The following MPND variants were observed in gnomAD, a reference collection of about 807,000 sequenced individuals.
The protein encoded by MPND is MPN domain-containing protein.
MPND carries 56 observed loss-of-function variants against 59.2 expected under a neutral mutation model. That is an observed-to-expected ratio of 0.95 (90% CI 0.76 to 1.18). The LOEUF (loss-of-function observed/expected upper bound fraction) is 1.18, where lower values mean the gene tolerates loss of function less well. Among genes scored for constraint, MPND ranks in the 50% most tolerant of loss-of-function variants. The probability of loss-of-function intolerance (pLI) is 0.00; values close to 1 mark genes in which losing one functional copy is unlikely to be tolerated. For synonymous variants in MPND, 323 were observed against 291.9 expected, an observed-to-expected ratio of 1.11 and a Z score of -1.09; for missense variants, 671 against 676.0, an observed-to-expected ratio of 0.99 and a Z score of 0.08.
chr19:4,346,724 T>C (rs1156399680), intron 3 of MPND, among the ~76,000 whole-genome samples: 1 of 152,146 alleles, frequency 6.6e-6, no homozygotes, highest in Non-Finnish European at 1.5e-5. Flanking sequence ...CCGTTTTTTT[T>C]TTCTTATGTG....
chr19:4,352,492 C>T (rs1210304398), intron 3 of MPND, among the ~76,000 whole-genome samples: 1 of 152,146 alleles, frequency 6.6e-6, no homozygotes, highest in Non-Finnish European at 1.5e-5. Context: ...TGAGACCAGC[C>T]TGACCAACAT....
chr19:4,359,077 C>A, intron 11 of MPND, 86 bp from the exon 12 acceptor site: 3 of 860,322 alleles, frequency 3.5e-6, no homozygotes, highest in Non-Finnish European at 3.9e-6. Flanking sequence ...TGTCTCAGGG[C>A]TGCCTGAGAC....
chr19:4,356,563 A>G (rs886377979), intron 8 of MPND: 24 of 152,070 alleles, frequency 1.6e-4, no homozygotes, highest in African/African-American at 4.8e-4. Flanking sequence ...TAAAAAGTGA[A>G]GGGCTGCTAA....
chr19:4,347,807 TAGTC>T (rs749821910), intron 3 of MPND: 148 of 392,210 alleles, frequency 3.8e-4, no homozygotes, highest in Non-Finnish European at 5.7e-4. Context: ...TGATCCTCCT[TAGTC>T]AGTCCAGTGT....
intron 5 of MPND, 76 bp from the exon 6 acceptor site, chr19:4,354,248 G>A (rs1252729947): frequency 1.3e-6 from 2 of 1,497,082 alleles, no homozygotes; most frequent in African/African-American, 2.8e-5. Context: ...GAGCTGTGGG[G>A]TTGGGGGAGT....
At chr19:4,359,338 C>T (rs568258714) in intron 12 of MPND, 83 bp downstream of exon 12, 97 of 1,033,036 alleles carry the variant, frequency 9.4e-5, no homozygotes, top group Non-Finnish European at 1.3e-4. Flanking sequence ...AGCAATGAGC[C>T]CCGTGGGCCT....
chr19:4,352,623 G>A (rs1172977488), intron 3 of MPND, among the ~76,000 whole-genome samples: 1 of 152,200 alleles, frequency 6.6e-6, no homozygotes, highest in Non-Finnish European at 1.5e-5. Flanking sequence ...GGCAGAAGTT[G>A]CAGTGAGCCG....
intron 12 of MPND, 137 bp downstream of exon 12, chr19:4,359,392 C>A: frequency 1.6e-6 from 1 of 633,132 alleles, no homozygotes; most frequent in Non-Finnish European, 2.8e-6. Context: ...TGACCCTGGT[C>A]ACCCCGTGGC....
chr19:4,359,816 G>C lies in MPND; in HGVS notation c.1420-100G>C, dbSNP rs565553793. 423 of 927,466 alleles carry C rather than the reference G, an allele frequency of 4.6e-4. 1 individual carries two copies. The African/African-American group carries it at 4.8e-3, about 10-fold the overall frequency. 57.5% of individuals were successfully genotyped at this position (927,466 alleles called of 1,614,324 possible). On this transcript the variant is annotated intron_variant, in intron 12 of 12. Coordinates refer to ENST00000599840, the MANE Select transcript of MPND (RefSeq NM_001300862.2). ...CCCCAGCCCTGTGCCTCGGTCTCAG[G>C]GGGGCTCAGTCAGGATGCTGGACTT...
chr19:4,348,452 G>C (rs1277413482), intron 3 of MPND: 1 of 151,690 alleles, frequency 6.6e-6, no homozygotes, highest in Non-Finnish European at 1.5e-5. Flanking sequence ...GTAGAAATGG[G>C]GTTTCACCAT....
intron 10 of MPND, 184 bp downstream of exon 10, chr19:4,357,769 T>C: frequency 1.6e-6 from 1 of 639,020 alleles, no homozygotes; most frequent in South Asian, 2.0e-5. Flanking sequence ...GCGTGGGGCC[T>C]CCGTTGTGTC....
At chr19:4,358,225 C>T in intron 11 of MPND, 53 bp downstream of exon 11, 1 of 1,461,034 alleles carries the variant, frequency 6.8e-7, no homozygotes, top group Non-Finnish European at 9.4e-7. Context: ...CAGCTGGGCA[C>T]ACGATGCGTT....
intron 4 of MPND, 47 bp from the exon 5 acceptor site, chr19:4,353,998 T>C: frequency 6.4e-7 from 1 of 1,561,660 alleles, no homozygotes; most frequent in South Asian, 1.1e-5. Context: ...CCTAATTTGT[T>C]CTAACTTGGG....
In MPND at chr19:4,357,388, A is replaced by C. The variant is rs1264092273; in HGVS notation, c.1132A>C (p.Asn378His). The change falls in exon 9 of 13, where the codon AAT becomes CAT. Residue 378 changes from asparagine (N) to histidine (H), a missense_variant. Asn to His is a moderately conservative substitution (Grantham distance 68). Transcript: ENST00000599840. ...CCAGCTGCGGCTGCAGGGCTCCAGC[A>C]ATGGCTTCCAGCCCTGCCTCGCCCT... ...DYQLRLQGSS[N>H]GFQPCLALLC... 6.2e-7 allele frequency: 1 copy of C among 1,612,942 alleles called. No individual in the cohort carries two copies. Among genetic ancestry groups the C allele is most frequent in the Non-Finnish European group, 8.5e-7 (1 of 1,179,904 alleles).
intron 3 of MPND, among the ~76,000 whole-genome samples, chr19:4,351,195 C>T (rs1380655861): frequency 6.6e-6 from 1 of 152,168 alleles, no homozygotes; most frequent in Non-Finnish European, 1.5e-5. Context: ...TCTCCGCCTC[C>T]CGGGTTCAAG....
chr19:4,354,869 G>T, intron 6 of MPND, 80 bp from the exon 7 acceptor site: 3 of 1,406,412 alleles, frequency 2.1e-6, no homozygotes, highest in South Asian at 1.4e-5. Context: ...GTCTCAAAGA[G>T]AATGAGGGCA....
At position 4,345,106 on chromosome 19, in the gene MPND, A is replaced by T. The variant is rs1017179629; in HGVS notation, c.295-639A>T. 2.4e-3 allele frequency among the ~76,000 whole-genome samples: 235 copies of T among 96,740 alleles called. No individual in the cohort carries two copies. In the Middle Eastern group the frequency reaches 0.043, roughly 18 times the overall value. The allele number at this position is 96,740 out of a possible 152,430, so 63.5% of individuals were successfully genotyped here. A position where few individuals can be genotyped will look rare whatever the true frequency, so the allele number is the denominator to read the frequency against. On this transcript the variant is annotated intron_variant, in intron 2 of 12. Transcript: ENST00000599840. ...GCTGTTGCCCAGGCTGGAATGCAGT[A>T]GCATGATCTCGGCTCACTGCAACCT...
chr19:4,356,864 T>G, intron 8 of MPND: 1 of 166,168 alleles, frequency 6.0e-6, no homozygotes. Flanking sequence ...AGTCTTGAAC[T>G]CGTGACCTCA....
intron 3 of MPND, among the ~76,000 whole-genome samples, chr19:4,350,179 CA>C (rs1331457390): frequency 1.3e-5 from 2 of 152,008 alleles, no homozygotes; most frequent in African/African-American, 4.8e-5. Context: ...ACAGCCTCTG[CA>C]AAGGCCCTGG....
Sources: allele counts gnomAD v4.1 joint callset (sites outside exome capture counted in the v4.1 genomes callset), GRCh38; gene constraint gnomAD v4.1.1; transcripts MANE v1.5; gene names NCBI Gene and HGNC (gene_info 2026-07-23, HGNC 2026-07-21).